The following PNPLA6 variants were observed in gnomAD, a reference collection of about 807,000 sequenced individuals.
PNPLA6 encodes the protein patatin like domain 6, lysophospholipase, also known as patatin-like phospholipase domain-containing protein 6.
Under a neutral mutation model 153.7 loss-of-function variants are expected in PNPLA6, and 105 were observed. The ratio of observed to expected loss-of-function variants is 0.68; its 90% confidence interval spans 0.58 to 0.80. The LOEUF (loss-of-function observed/expected upper bound fraction) is 0.80. Ranked by LOEUF, PNPLA6 falls within the 30% of genes least tolerant of loss-of-function variation. The pLI is 0.00. For missense variants in PNPLA6, 1,423 were observed against 1,919.3 expected, an observed-to-expected ratio of 0.74 and a Z score of 4.83; for synonymous variants, 825 against 822.2, an observed-to-expected ratio of 1.00 and a Z score of -0.06.
At position 7,541,259 on chromosome 19, in the gene PNPLA6, GC is replaced by G; in HGVS notation, c.925-92del. On this transcript the variant is annotated intron_variant, in intron 7 of 31. Coordinates refer to ENST00000600737, the MANE Select transcript of PNPLA6 (RefSeq NM_001166114.2). The surrounding 1 kb of genome is among the most constrained non-coding windows in gnomAD (Gnocchi z 5.2). ...GACTGTGGGTCTCTCCCTGGTTCCC[GC>G]CCGACCCCTTATGCTGCGAACTAGC... 4.1e-6 allele frequency: 5 copies of G among 1,219,882 alleles called. No homozygotes were observed. 75.6% of individuals were successfully genotyped at this position (1,219,882 alleles called of 1,614,324 possible).
In PNPLA6 at chr19:7,555,380, CT is replaced by C. The variant is rs1482901729; in HGVS notation, c.2936+15del. 2.0e-6 allele frequency: 3 copies of C among 1,489,436 alleles called. No homozygotes were observed. Among genetic ancestry groups the C allele is most frequent in the Non-Finnish European group, 2.7e-6 (3 of 1,097,044 alleles). 92.3% of individuals were successfully genotyped at this position (1,489,436 alleles called of 1,614,324 possible). On this transcript the variant is annotated intron_variant, in intron 23 of 31. Transcript: ENST00000600737. The surrounding 1 kb of genome is among the most constrained non-coding windows in gnomAD (Gnocchi z 6.3). ...GGGGCGGGGCCAGGTGAGGGCGGGG[CT>C]TGCTCTCTGGGGGCGGGGCCTGGAT...
intron 13 of PNPLA6, among the ~76,000 whole-genome samples, chr19:7,546,569 C>T (rs951967128): frequency 6.6e-5 from 10 of 152,002 alleles, no homozygotes; most frequent in African/African-American, 1.9e-4. Flanking sequence ...TGGCCATGCC[C>T]ACCTAATTTT....
intron 16 of PNPLA6, 130 bp downstream of exon 16, chr19:7,550,770 C>T: frequency 8.1e-7 from 1 of 1,236,090 alleles, no homozygotes; most frequent in East Asian, 2.5e-5. Context: ...ACCCAGTCCA[C>T]TCCCCGCCCA....
intron 13 of PNPLA6, among the ~76,000 whole-genome samples, chr19:7,546,868 T>C (rs1816708128): frequency 6.6e-6 from 1 of 151,962 alleles, no homozygotes; most frequent in African/African-American, 2.4e-5. Flanking sequence ...CTCTTGGGTA[T>C]ATACCTAGGA....
Position 7,550,102 on chromosome 19 carries a change from G to T in PNPLA6, c.1804G>T (p.Asp602Tyr), listed in dbSNP as rs772780080. 6.2e-7 allele frequency: 1 copy of T among 1,614,038 alleles called. No homozygotes were observed. Among genetic ancestry groups the T allele is most frequent in the South Asian group, 1.1e-5 (1 of 91,082 alleles). ...DCTFLRISKS[D>Y]FYEIMRAQPS... ...CACCTTCCTGCGGATCTCCAAGTCC[G>T]ACTTCTATGAGTATGACAGCCCGAA... Residue 602 changes from aspartate to tyrosine, a missense_variant, in exon 14 of 32, where the codon GAC becomes TAC. By Grantham distance (160) the Asp-to-Tyr change is radical. Transcript: ENST00000600737.
rs555941511 is a variant in PNPLA6, at chr19:7,559,906, G to A, written c.3700-742G>A. Among the ~76,000 whole-genome samples, 8 of 151,690 alleles carry A rather than the reference G, an allele frequency of 5.3e-5. No homozygotes were observed. The East Asian group carries it at 1.6e-3, about 30-fold the overall frequency. On this transcript the variant is annotated intron_variant, in intron 28 of 31. Transcript: ENST00000600737. ...TTTAATCCCAGCATTTTGGGAGGCC[G>A]AGGTGGGCAGATCACTTGAAGTCAG... is the stretch of plus-strand genomic sequence containing the variant.
intron 3 of PNPLA6, among the ~76,000 whole-genome samples, chr19:7,538,865 G>A (rs1183263860): frequency 6.6e-6 from 1 of 152,228 alleles, no homozygotes; most frequent in Non-Finnish European, 1.5e-5. Context: ...TGTGACTACT[G>A]GAAGGACCGT....
chr19:7,554,468 T>A, intron 20 of PNPLA6, 87 bp from the exon 21 acceptor site: 1 of 1,493,678 alleles, frequency 6.7e-7, no homozygotes, highest in South Asian at 1.1e-5. Context: ...GTGTCTAAGT[T>A]CCTCCCAGCA....
At chr19:7,556,223 G>A (rs1308773905) in intron 24 of PNPLA6, among the ~76,000 whole-genome samples, 5 of 151,664 alleles carry the variant, frequency 3.3e-5, no homozygotes, top group African/African-American at 1.2e-4. Context: ...CCACCAGCCC[G>A]GCAAATTTTT....
intron 31 of PNPLA6, 80 bp from the exon 32 acceptor site, chr19:7,561,408 C>G (rs1356250204): frequency 2.8e-6 from 4 of 1,426,926 alleles, no homozygotes; most frequent in African/African-American, 1.4e-5. Context: ...ATTTGAGATC[C>G]TGTGTGTGCT....
chr19:7,553,156 A>G (rs926965137), intron 18 of PNPLA6, among the ~76,000 whole-genome samples: 1 of 152,188 alleles, frequency 6.6e-6, no homozygotes, highest in Non-Finnish European at 1.5e-5. Flanking sequence ...GGTCTAGGCA[A>G]GATATGGGAG....
Position 7,536,495 on chromosome 19 carries a change from C to T in PNPLA6, c.362C>T (p.Thr121Ile), listed in dbSNP as rs1264673659. ...CTCGTGGATACCTCTGTCTCCGCCA[C>T]CTCCCGGCCACGCATGAGGAAGAAA... Reference protein sequence around the residue: ...SSLVDTSVSATSRPRMRKKLK... With the variant: ...SSLVDTSVSAISRPRMRKKLK... Residue 121 changes from threonine (T) to isoleucine (I), a missense_variant, in exon 3 of 32, where the codon ACC becomes ATC. Coordinates refer to ENST00000600737, the MANE Select transcript of PNPLA6 (RefSeq NM_001166114.2). 1 of 1,613,936 alleles carries T rather than the reference C, an allele frequency of 6.2e-7. No homozygotes were observed. Among genetic ancestry groups the T allele is most frequent in the African/African-American group, 1.3e-5 (1 of 74,938 alleles).
At position 7,541,698 on chromosome 19, in the gene PNPLA6, C is replaced by T. The variant is rs761179385; in HGVS notation, c.1168+14C>T. On this transcript the variant is annotated intron_variant, in intron 9 of 31. Transcript: ENST00000600737. The surrounding 1 kb of genome is among the most constrained non-coding windows in gnomAD (Gnocchi z 5.2). The stretch of plus-strand genomic sequence containing the variant: ...CTGGACCTACAGGTACCCAGGGACC[C>T]GAGGCCAGCCGAGCCCAATCTCCCA... The T allele has an allele frequency of 7.7e-6, 12 of 1,556,692 alleles. 1 individual carries two copies. The highest frequency in any genetic ancestry group is 5.8e-5 in the South Asian group (5 of 85,734).
chr19:7,554,406 C>T, intron 20 of PNPLA6, 134 bp downstream of exon 20: 1 of 1,227,178 alleles, frequency 8.1e-7, no homozygotes, highest in Non-Finnish European at 1.2e-6. Context: ...GGGAGATTCG[C>T]AGTGGTGTGA....
chr19:7,537,955 T>C (rs2022954227), intron 3 of PNPLA6, among the ~76,000 whole-genome samples: 1 of 152,014 alleles, frequency 6.6e-6, no homozygotes, highest in Admixed American at 6.6e-5. Context: ...CAGGGCTTTC[T>C]GTGAGTTGAG....
Position 7,541,568 on chromosome 19 carries a change from G to T in PNPLA6, c.1052G>T (p.Arg351Leu), listed in dbSNP as rs763199334. 1 of 1,599,628 alleles carries T rather than the reference G, an allele frequency of 6.3e-7. No individual in the cohort carries two copies. Among genetic ancestry groups the T allele is most frequent in the Non-Finnish European group, 8.5e-7 (1 of 1,173,294 alleles). Residue 351 changes from arginine (R) to leucine (L), a missense_variant, in exon 9 of 32, where the codon CGC (arginine) becomes CTC (leucine). Physicochemically the swap from Arg to Leu is moderately radical, Grantham distance 102. Around this residue, in one of 10 missense-constraint regions of PNPLA6, gnomAD observed 267 missense variants for 255.1 expected, o/e 1.05. Coordinates refer to ENST00000600737, the MANE Select transcript of PNPLA6 (RefSeq NM_001166114.2). The surrounding 1 kb of genome is among the most constrained non-coding windows in gnomAD (Gnocchi z 5.2). ...TTCCCCAGCCCCGGCCTCCCAACTCGCACCAGCCCTGTGCGGGGCTCCAAG... is the reference window on the plus strand; with the variant it reads ...TTCCCCAGCCCCGGCCTCCCAACTCTCACCAGCCCTGTGCGGGGCTCCAAG... ...RLFPSPGLPTRTSPVRGSKRM... is the reference protein window; with the variant it reads ...RLFPSPGLPTLTSPVRGSKRM...
intron 16 of PNPLA6, 75 bp downstream of exon 16, chr19:7,550,715 G>C: frequency 6.4e-7 from 1 of 1,553,208 alleles, no homozygotes; most frequent in South Asian, 1.1e-5. Flanking sequence ...ACATCATCCC[G>C]GGTAATCCAG....
At chr19:7,543,836 A>C (rs1016043386) in intron 13 of PNPLA6, among the ~76,000 whole-genome samples, 2 of 145,760 alleles carry the variant, frequency 1.4e-5, no homozygotes, top group African/African-American at 5.1e-5. Context: ...TTTGAGACGG[A>C]GTCTCGCTCT....
chr19:7,550,746 C>G (rs1034835163), intron 16 of PNPLA6, 106 bp downstream of exon 16: 2 of 1,445,474 alleles, frequency 1.4e-6, no homozygotes, highest in Admixed American at 3.9e-5. Context: ...ATGCAGCTCC[C>G]GACCTCTGAG....
Sources: allele counts gnomAD v4.1 joint callset (sites outside exome capture counted in the v4.1 genomes callset), GRCh38; gene constraint gnomAD v4.1.1; regional missense constraint gnomAD v4.1.1; non-coding constraint Gnocchi (gnomAD v3.1); transcripts MANE v1.5; gene names NCBI Gene and HGNC (gene_info 2026-07-23, HGNC 2026-07-21).